GRAMD1C: variants seen among roughly 807,000 people sequenced by gnomAD.
The protein encoded by GRAMD1C is protein Aster-C.
GRAMD1C carries 89 observed loss-of-function variants against 97.8 expected under a neutral mutation model. The observed-to-expected ratio is 0.91, with a 90% CI of 0.77 to 1.09. The LOEUF is 1.09. Among genes scored for constraint, GRAMD1C ranks in the 50% least tolerant of loss-of-function variants. The probability of loss-of-function intolerance (pLI) is 0.00; values close to 1 mark genes in which losing one functional copy is unlikely to be tolerated. For synonymous variants in GRAMD1C, 256 were observed against 267.0 expected (o/e 0.96, Z 0.40); for missense variants, 740 against 766.4 (o/e 0.97, Z 0.41).
intron 10 of GRAMD1C, among the ~76,000 whole-genome samples, chr3:113,924,246 G>C (rs1056418698): frequency 6.6e-6 from 1 of 151,754 alleles, no homozygotes; most frequent in African/African-American, 2.4e-5. Context: ...TTGATCTTTT[G>C]TATGGTTTTT....
In GRAMD1C at chr3:113,915,690, T is replaced by C. The variant is rs749074612; in HGVS notation, c.953-11T>C. The C allele has an allele frequency of 6.2e-7, 1 of 1,603,956 alleles. No individual in the cohort carries two copies. Among genetic ancestry groups the C allele is most frequent in the Non-Finnish European group, 8.5e-7 (1 of 1,173,982 alleles). On this transcript the variant is annotated splice_polypyrimidine_tract_variant and intron_variant, in intron 9 of 17. Transcript: ENST00000358160. ...TTTCTTCTCTTTTGGTTTGTGTTTCTGTTTTTCCAGAAAATGTTCCTGAGA... is the reference window on the plus strand; with the variant it reads ...TTTCTTCTCTTTTGGTTTGTGTTTCCGTTTTTCCAGAAAATGTTCCTGAGA...
intron 9 of GRAMD1C, among the ~76,000 whole-genome samples, chr3:113,914,326 A>G (rs1349611204): frequency 6.6e-6 from 1 of 152,224 alleles, no homozygotes; most frequent in Non-Finnish European, 1.5e-5. Flanking sequence ...GCAAATCAAT[A>G]TCTATCTGAT....
chr3:113,903,058 G>A (rs546399191), intron 7 of GRAMD1C, among the ~76,000 whole-genome samples: 17 of 150,944 alleles, frequency 1.1e-4, no homozygotes, highest in East Asian at 3.9e-4. Flanking sequence ...CTCTGCCTCC[G>A]GGTTCAAGCG....
chr3:113,941,912 C>CT (rs1237842172), intron 17 of GRAMD1C, among the ~76,000 whole-genome samples: 18 of 150,806 alleles, frequency 1.2e-4, no homozygotes, highest in African/African-American at 4.4e-4. Context: ...AGCCACCGTG[C>CT]CCGGCCATCT....
intron 6 of GRAMD1C, among the ~76,000 whole-genome samples, chr3:113,896,393 T>C (rs1935949543): frequency 6.6e-6 from 1 of 152,204 alleles, no homozygotes; most frequent in African/African-American, 2.4e-5. Flanking sequence ...CTTTGTGTGT[T>C]GGGCTTTCTT....
At chr3:113,879,803 C>T (rs554592802) in intron 5 of GRAMD1C, among the ~76,000 whole-genome samples, 1 of 151,354 alleles carries the variant, frequency 6.6e-6, no homozygotes, top group Non-Finnish European at 1.5e-5. Context: ...AAGCAACTCT[C>T]CTGCCTCAGC....
At chr3:113,852,308 ATTT>A (rs1933944621) in intron 2 of GRAMD1C, among the ~76,000 whole-genome samples, 1 of 152,184 alleles carries the variant, frequency 6.6e-6, no homozygotes, top group South Asian at 2.1e-4. Flanking sequence ...TATAAAGGAT[ATTT>A]CAGATTTTTA....
chr3:113,886,755 GTTTTTT>G (rs1031127868), intron 6 of GRAMD1C, among the ~76,000 whole-genome samples: 3 of 129,576 alleles, frequency 2.3e-5, no homozygotes, highest in Admixed American at 7.6e-5. Context: ...ACCAAAAGTT[GTTTTTT>G]TTTGTTTGTT....
chr3:113,935,730 A>T (rs1394047615), intron 13 of GRAMD1C, among the ~76,000 whole-genome samples: 1 of 152,140 alleles, frequency 6.6e-6, no homozygotes, highest in Non-Finnish European at 1.5e-5. Context: ...TGAAACTCAA[A>T]AAAAATTAGT....
chr3:113,938,025 A>AAAT, intron 14 of GRAMD1C, 61 bp from the exon 15 acceptor site: 6 of 835,274 alleles, frequency 7.2e-6, no homozygotes, highest in African/African-American at 5.4e-5. Flanking sequence ...AAAAAAAAAA[A>AAAT]TTTGGATCAG....
chr3:113,905,791 G>GTTCAAGCAATTCTTCTGGCTCAGC (rs1936350251), intron 8 of GRAMD1C, among the ~76,000 whole-genome samples: 1 of 152,042 alleles, frequency 6.6e-6, no homozygotes, highest in Non-Finnish European at 1.5e-5. Context: ...CGCCTCCTGG[G>GTTCAAGCAATTCTTCTGGCTCAGC]TTCAAGCAAT....
At chr3:113,905,991 C>A (rs771741267) in intron 8 of GRAMD1C, among the ~76,000 whole-genome samples, 1 of 152,180 alleles carries the variant, frequency 6.6e-6, no homozygotes, top group Non-Finnish European at 1.5e-5. Flanking sequence ...GCCACTGCAA[C>A]CAGCCAGTCC....
intron 8 of GRAMD1C, among the ~76,000 whole-genome samples, chr3:113,904,868 C>T (rs1471749346): frequency 6.6e-6 from 1 of 152,094 alleles, no homozygotes; most frequent in Non-Finnish European, 1.5e-5. Context: ...TGAGTCTCGC[C>T]CTGTTGCCCA....
At position 113,838,893 on chromosome 3, in the gene GRAMD1C, C is replaced by CA; in HGVS notation, c.-17_-16insA. 1 of 1,231,694 alleles carries CA rather than the reference C, an allele frequency of 8.1e-7. No homozygotes were observed. The highest frequency in any genetic ancestry group is 1.0e-6 in the Non-Finnish European group (1 of 986,258). The allele number at this position is 1,231,694 out of a possible 1,614,324, so 76.3% of individuals were successfully genotyped here. On this transcript the variant is annotated 5_prime_UTR_variant, in exon 1 of 18. Coordinates refer to ENST00000358160, the MANE Select transcript of GRAMD1C (RefSeq NM_017577.5). ...CGGTGCGCGCGGGGCGGTGCCGCGGCGGCGGAGGGAGCCGCGATGGAGGGC... is the reference window on the plus strand; with the variant it reads ...CGGTGCGCGCGGGGCGGTGCCGCGGCAGGCGGAGGGAGCCGCGATGGAGGGC...
intron 5 of GRAMD1C, among the ~76,000 whole-genome samples, chr3:113,878,226 T>C (rs989296281): frequency 1.3e-5 from 2 of 152,260 alleles, no homozygotes; most frequent in Non-Finnish European, 1.5e-5. Context: ...TTTATTTTGA[T>C]GCTCACATTG....
At chr3:113,911,864 A>G (rs2107332886) in intron 9 of GRAMD1C, among the ~76,000 whole-genome samples, 1 of 152,028 alleles carries the variant, frequency 6.6e-6, no homozygotes. Context: ...AGTAGCTGGG[A>G]CTACAGGTGC....
chr3:113,891,125 C>A, intron 6 of GRAMD1C: 1 of 179,010 alleles, frequency 5.6e-6, no homozygotes, highest in Non-Finnish European at 1.2e-5. Context: ...ACACTATATT[C>A]TCATTTTAAT....
chr3:113,939,663 T>C (rs1411911024), intron 15 of GRAMD1C: 3 of 414,168 alleles, frequency 7.2e-6, no homozygotes, highest in Non-Finnish European at 1.3e-5. Flanking sequence ...TTCAAGGACT[T>C]GTATTGTCAC....
At chr3:113,845,293 C>A (rs1168469702) in intron 2 of GRAMD1C, among the ~76,000 whole-genome samples, 8 of 152,094 alleles carry the variant, frequency 5.3e-5, no homozygotes, top group Non-Finnish European at 1.2e-4. Flanking sequence ...TCTAGCAATT[C>A]CTGTGAGAGT....
Sources: gnomAD v4.1 joint callset for allele counts (sites outside exome capture counted in the v4.1 genomes callset) on GRCh38, gnomAD v4.1.1 for gene constraint, MANE v1.5 for transcripts, NCBI Gene and HGNC (gene_info 2026-07-23, HGNC 2026-07-21) for gene names.